The following CIBAR1 variants were observed in gnomAD, a reference collection of about 807,000 sequenced individuals.
The protein encoded by CIBAR1 is CBY1 interacting BAR domain containing 1, also known as CBY1-interacting BAR domain-containing protein 1.
A neutral mutation model predicts 44.0 loss-of-function variants in CIBAR1; 25 were observed. The ratio of observed to expected loss-of-function variants is 0.57; its 90% CI spans 0.41 to 0.79. CIBAR1 has a LOEUF of 0.79. CIBAR1 is among the 30% of genes least tolerant of loss of function. The probability of loss-of-function intolerance (pLI) is 0.00; values close to 1 mark genes in which losing one functional copy is unlikely to be tolerated. For missense variants in CIBAR1, 278 were observed against 344.8 expected (o/e 0.81, Z 1.53); for synonymous variants, 115 against 119.0 (o/e 0.97, Z 0.22).
intron 7 of CIBAR1, among the ~76,000 whole-genome samples, chr8:93,725,610 A>G (rs1462295461): frequency 3.4e-5 from 5 of 146,392 alleles, no homozygotes; most frequent in African/African-American, 1.0e-4. Context: ...TGAGATAACT[A>G]AAAAAAAAAA....
rs1158165228 is a variant in CIBAR1 at position 93,701,324 on chromosome 8, A to G, written c.127A>G (p.Arg43Gly). Residue 43 changes from arginine (R) to glycine (G), a missense_variant, in exon 2 of 9, where the codon AGG becomes GGG. Physicochemically the swap from Arg to Gly is moderately radical, Grantham distance 125. Coordinates refer to ENST00000518322, the MANE Select transcript of CIBAR1 (RefSeq NM_145269.5). ...IFAAYVRKTARLRDKADLLVN... is the reference protein window; with the variant it reads ...IFAAYVRKTAGLRDKADLLVN... ...CGCTGCCTATGTGCGGAAAACTGCC[A>G]GGCTGAGAGACAAAGCAGACCTCCT... The G allele has an allele frequency of 1.2e-6, 2 of 1,613,930 alleles. No individual in the cohort carries two copies. Among genetic ancestry groups the G allele is most frequent in the Middle Eastern group, 1.6e-4 (1 of 6,062 alleles).
At chr8:93,724,500 T>C (rs1811397526) in intron 7 of CIBAR1, 3 of 703,414 alleles carry the variant, frequency 4.3e-6, no homozygotes, top group Non-Finnish European at 6.6e-6. Flanking sequence ...AATTTTCATA[T>C]TTTTTGTAGA....
chr8:93,726,030 T>TCC (rs1348252350), intron 7 of CIBAR1: 2 of 185,880 alleles, frequency 1.1e-5, no homozygotes, highest in African/African-American at 4.8e-5. Flanking sequence ...GTTAAATTGG[T>TCC]AAGAGTTGAG....
chr8:93,707,116 A>G (rs539552679), intron 4 of CIBAR1: 1 of 250,348 alleles, frequency 4.0e-6, no homozygotes. Context: ...AATTAATTCC[A>G]TTTAATATAC....
At chr8:93,715,451 G>C (rs954549899) in intron 6 of CIBAR1, 3 of 151,976 alleles carry the variant, frequency 2.0e-5, no homozygotes, top group African/African-American at 7.3e-5. Flanking sequence ...CAAAAATTTA[G>C]TCTCACCACC....
intron 1 of CIBAR1, 36 bp downstream of exon 1, chr8:93,700,709 C>A: frequency 6.7e-7 from 1 of 1,488,368 alleles, no homozygotes; most frequent in Non-Finnish European, 8.9e-7. Flanking sequence ...GGGCCGCCCA[C>A]ACTGGAGGGC....
intron 7 of CIBAR1, among the ~76,000 whole-genome samples, chr8:93,721,376 A>G (rs776443903): frequency 1.3e-5 from 2 of 152,150 alleles, no homozygotes; most frequent in East Asian, 1.9e-4. Flanking sequence ...TCAGTCCCCA[A>G]GGTTTTCCTC....
At chr8:93,708,259 C>T (rs1015291175) in intron 5 of CIBAR1, among the ~76,000 whole-genome samples, 6 of 151,896 alleles carry the variant, frequency 4.0e-5, no homozygotes, top group Non-Finnish European at 7.4e-5. Flanking sequence ...GAATTTAATC[C>T]GAAAACTGGG....
chr8:93,719,740 G>T lies in CIBAR1; in HGVS notation c.657+952G>T, dbSNP rs762360341. The T allele has an allele frequency of 4.6e-5, 7 of 152,120 alleles. 1 individual carries two copies. The highest frequency in any genetic ancestry group is 4.4e-5 in the Non-Finnish European group (3 of 68,022). 9.4% of individuals were successfully genotyped at this position (152,120 alleles called of 1,614,324 possible). ...TAGAGCAAGTAAATATCAAAGACTG[G>T]TCCTCAATGAGCAATTCTGTAAATA... On this transcript the variant is annotated intron_variant, in intron 7 of 8. Coordinates refer to ENST00000518322, the MANE Select transcript of CIBAR1 (RefSeq NM_145269.5).
chr8:93,721,358 C>T (rs1811255545), intron 7 of CIBAR1, among the ~76,000 whole-genome samples: 1 of 152,204 alleles, frequency 6.6e-6, no homozygotes, highest in African/African-American at 2.4e-5. Context: ...AAAGTTCCTT[C>T]AAGCCCTTCA....
intron 8 of CIBAR1, chr8:93,726,727 G>C: frequency 3.8e-6 from 2 of 523,406 alleles, no homozygotes; most frequent in South Asian, 4.1e-5. Flanking sequence ...ACTCTCTAAA[G>C]CATAACACTT....
At chr8:93,723,814 G>T (rs929836073) in intron 7 of CIBAR1, among the ~76,000 whole-genome samples, 9 of 152,160 alleles carry the variant, frequency 5.9e-5, no homozygotes, top group African/African-American at 2.2e-4. Context: ...TTTACATTGT[G>T]CTTGAAGGAC....
At chr8:93,722,848 A>G (rs1280590793) in intron 7 of CIBAR1, among the ~76,000 whole-genome samples, 3 of 152,242 alleles carry the variant, frequency 2.0e-5, no homozygotes, top group African/African-American at 7.2e-5. Context: ...TGTAATAAAT[A>G]TTTAACTGGT....
intron 4 of CIBAR1, chr8:93,705,637 A>G (rs1810549720): frequency 6.6e-6 from 1 of 152,272 alleles, no homozygotes; most frequent in Non-Finnish European, 1.5e-5. Context: ...AGCAACTGAG[A>G]TGGGTAGGAC....
At chr8:93,701,033 G>A in intron 1 of CIBAR1, 191 bp from the exon 2 acceptor site, 1 of 1,441,822 alleles carries the variant, frequency 6.9e-7, no homozygotes, top group Admixed American at 2.8e-5. Context: ...GCCTTTTCCT[G>A]TGCCTACACA....
chr8:93,725,169 G>C (rs1201537516), intron 7 of CIBAR1, among the ~76,000 whole-genome samples: 2 of 152,094 alleles, frequency 1.3e-5, no homozygotes, highest in Admixed American at 6.5e-5. Context: ...TGTTTGGAGA[G>C]ATAGGGTTTC....
At chr8:93,700,704 G>A (rs1188480143) in intron 1 of CIBAR1, 31 bp downstream of exon 1, 7 of 1,491,876 alleles carry the variant, frequency 4.7e-6, no homozygotes, top group Non-Finnish European at 6.2e-6. Flanking sequence ...GCCCAGGGCC[G>A]CCCACACTGG....
rs1026536855 is a variant in CIBAR1 at position 93,730,671 on chromosome 8, T to C, written c.*2374T>C. ...TTGCTGCATTTATCACTTTCCATGG[T>C]GTAAAATACTCCTGCCATGGCCAAT... On this transcript the variant is annotated 3_prime_UTR_variant, in exon 9 of 9. Coordinates refer to ENST00000518322, the MANE Select transcript of CIBAR1 (RefSeq NM_145269.5). 4 of 152,034 alleles carry C rather than the reference T, an allele frequency of 2.6e-5. No homozygotes were observed. Among genetic ancestry groups the C allele is most frequent in the African/African-American group, 9.7e-5 (4 of 41,398 alleles). 9.4% of individuals were successfully genotyped at this position (152,034 alleles called of 1,614,324 possible). A position where few individuals can be genotyped will look rare whatever the true frequency, so the allele number is the denominator to read the frequency against.
rs1371228646 is a variant in CIBAR1 at position 93,700,633 on chromosome 8, C to G, written c.-15C>G. On this transcript the variant is annotated 5_prime_UTR_variant, in exon 1 of 9. Transcript: ENST00000518322. ...CTTGGGCCCCCGCAAGGTCCCCGGC[C>G]GTGCGCGAGGCAGCATGATGAGGCG... is the stretch of plus-strand genomic sequence containing the variant. 1.0e-5 allele frequency: 15 copies of G among 1,499,066 alleles called. No individual in the cohort carries two copies. The highest frequency in any genetic ancestry group is 1.2e-5 in the Non-Finnish European group (13 of 1,125,154). 92.9% of individuals were successfully genotyped at this position (1,499,066 alleles called of 1,614,324 possible).
Sources: gnomAD v4.1 joint callset for allele counts (sites outside exome capture counted in the v4.1 genomes callset) on GRCh38, gnomAD v4.1.1 for gene constraint, MANE v1.5 for transcripts, NCBI Gene and HGNC (gene_info 2026-07-23, HGNC 2026-07-21) for gene names.